Variants in PCDHA9 observed in about 807,000 individuals in gnomAD.
The protein encoded by PCDHA9 is protocadherin alpha 9.
A neutral mutation model predicts 62.0 loss-of-function variants in PCDHA9; 62 were observed. The ratio of observed to expected loss-of-function variants is 1.00; its 90% confidence interval spans 0.81 to 1.23. The LOEUF (loss-of-function observed/expected upper bound fraction) is 1.23, where lower values mean the gene tolerates loss of function less well. Ranked by LOEUF, PCDHA9 falls within the 50% of genes most tolerant of loss-of-function variation. PCDHA9 has a pLI of 0.00. For synonymous variants in PCDHA9, 557 were observed against 567.6 expected (o/e 0.98, Z 0.27); for missense variants, 1,205 against 1,249.8 (o/e 0.96, Z 0.54).
chr5:140,870,469 C>T, intron 1 of PCDHA9: 1 of 1,614,246 alleles, frequency 6.2e-7, no homozygotes. Context: ...TGCGTTCGCA[C>T]AGCCCGAGTA....
chr5:140,961,247 C>T (rs527974851), intron 1 of PCDHA9, among the ~76,000 whole-genome samples: 6 of 152,070 alleles, frequency 3.9e-5, no homozygotes, highest in East Asian at 1.9e-4. Flanking sequence ...GGAATTTATC[C>T]GAAGCTCCAG....
chr5:140,931,395 C>T lies in PCDHA9; in HGVS notation c.2395-47554C>T, dbSNP rs141099105. Among the ~76,000 whole-genome samples the T allele has an allele frequency of 5.8e-3, 884 of 151,620 alleles. 4 individuals carry two copies. The highest frequency in any genetic ancestry group is 0.021 in the African/African-American group (851 of 41,384). ...AGACTAGAAAGGAAACATAAGTAAG[C>T]GATAGGAAGGCTGATGAATCTAGAA... On this transcript the variant is annotated intron_variant, in intron 1 of 3. Coordinates refer to ENST00000532602, the MANE Select transcript of PCDHA9 (RefSeq NM_031857.2).
intron 1 of PCDHA9, chr5:140,968,948 A>G (rs1554231262): frequency 2.5e-6 from 4 of 1,614,064 alleles, no homozygotes; most frequent in East Asian, 4.5e-5. Flanking sequence ...CATTTTGAGC[A>G]TCATCAAGTG....
At chr5:140,970,762 A>C (rs2096431667) in intron 1 of PCDHA9, among the ~76,000 whole-genome samples, 1 of 152,198 alleles carries the variant, frequency 6.6e-6, no homozygotes, top group Admixed American at 6.5e-5. Context: ...TCATTGACAT[A>C]TTGCTGTACA....
At chr5:140,946,202 A>T (rs2093901656) in intron 1 of PCDHA9, among the ~76,000 whole-genome samples, 1 of 152,118 alleles carries the variant, frequency 6.6e-6, no homozygotes, top group Non-Finnish European at 1.5e-5. Context: ...AAAAGAAAGC[A>T]CACAAATGAC....
At chr5:140,926,118 G>C (rs927468824) in intron 1 of PCDHA9, among the ~76,000 whole-genome samples, 3 of 152,174 alleles carry the variant, frequency 2.0e-5, no homozygotes, top group African/African-American at 7.2e-5. Flanking sequence ...GTGCAGGACA[G>C]ACTTCAACCC....
chr5:140,879,491 T>G (rs2153367311), intron 1 of PCDHA9, among the ~76,000 whole-genome samples: 1 of 152,338 alleles, frequency 6.6e-6, no homozygotes. Flanking sequence ...AATATGGGTC[T>G]GGATCTCAGA....
chr5:140,882,583 C>A, intron 1 of PCDHA9: 1 of 1,614,232 alleles, frequency 6.2e-7, no homozygotes, highest in Non-Finnish European at 8.5e-7. Flanking sequence ...GCAGCATCCA[C>A]CTGGAGGTGA....
intron 1 of PCDHA9, among the ~76,000 whole-genome samples, chr5:140,902,277 A>G (rs1257357376): frequency 1.3e-5 from 2 of 149,170 alleles, no homozygotes; most frequent in African/African-American, 5.0e-5. Flanking sequence ...GGCTCAAGCA[A>G]TCCTCCTGCC....
intron 1 of PCDHA9, among the ~76,000 whole-genome samples, chr5:140,942,058 C>T (rs2093224752): frequency 6.6e-6 from 1 of 152,040 alleles, no homozygotes; most frequent in Non-Finnish European, 1.5e-5. Flanking sequence ...GAAATGTTTG[C>T]TAATTGAGCC....
rs2150463702 is a variant in PCDHA9, at chr5:140,850,020, T to C, written c.1525T>C (p.Ser509Pro). 2 of 1,596,646 alleles carry C rather than the reference T, an allele frequency of 1.3e-6. No individual in the cohort carries two copies. Among genetic ancestry groups the C allele is most frequent in the African/African-American group, 1.3e-5 (1 of 74,330 alleles). The change falls in exon 1 of 4, where the codon TCA (serine) becomes CCA (proline). Residue 509 changes from serine (S) to proline (P), a missense_variant. Ser to Pro is a moderately conservative substitution (Grantham distance 74, BLOSUM62 -1). Around this residue, in one of 3 missense-constraint regions of PCDHA9, gnomAD observed 887 missense variants for 809.5 expected, o/e 1.10. Coordinates refer to ENST00000532602, the MANE Select transcript of PCDHA9 (RefSeq NM_031857.2). ...CGAGCGCTCGCTGTCGAGCTACGTGTCAGTGCACGCGGAGAGCGGCAAGGT... is the reference window on the plus strand; with the variant it reads ...CGAGCGCTCGCTGTCGAGCTACGTGCCAGTGCACGCGGAGAGCGGCAAGGT... ...LGERSLSSYV[S>P]VHAESGKVYA...
intron 3 of PCDHA9, among the ~76,000 whole-genome samples, chr5:140,993,826 C>T (rs1401311421): frequency 1.3e-5 from 2 of 152,134 alleles, no homozygotes; most frequent in African/African-American, 4.8e-5. Context: ...ATAGGCTATA[C>T]CATATAGCCT....
At chr5:140,914,228 C>T (rs2076644066) in intron 1 of PCDHA9, among the ~76,000 whole-genome samples, 1 of 152,084 alleles carries the variant, frequency 6.6e-6, no homozygotes, top group Admixed American at 6.6e-5. Flanking sequence ...AGCTCTAATA[C>T]TATTTGCTTT....
rs2093245729 is a variant in PCDHA9 at position 140,942,201 on chromosome 5, G to A, written c.2395-36748G>A. Among the ~76,000 whole-genome samples, 3 of 151,938 alleles carry A rather than the reference G, an allele frequency of 2.0e-5. No individual in the cohort carries two copies. The South Asian group carries it at 6.2e-4, about 32-fold the overall frequency. On this transcript the variant is annotated intron_variant, in intron 1 of 3. Coordinates refer to ENST00000532602, the MANE Select transcript of PCDHA9 (RefSeq NM_031857.2). Reference sequence around the variant, plus strand: ...GACATTTTATTTAAAATACATTTTTGAGCATAAGATATTTAAAATGTGTAG... The same window carrying A: ...GACATTTTATTTAAAATACATTTTTAAGCATAAGATATTTAAAATGTGTAG...
intron 3 of PCDHA9, among the ~76,000 whole-genome samples, chr5:140,992,035 G>C (rs529236840): frequency 6.6e-6 from 1 of 151,988 alleles, no homozygotes; most frequent in South Asian, 2.1e-4. Flanking sequence ...GTGTGTGTGT[G>C]TGTGTGTGTG....
At chr5:140,937,039 CTT>C (rs34994034) in intron 1 of PCDHA9, among the ~76,000 whole-genome samples, 9 of 140,130 alleles carry the variant, frequency 6.4e-5, no homozygotes, top group Admixed American at 7.1e-5. Context: ...TTCCATTTAT[CTT>C]TTTTTTTTTT....
intron 1 of PCDHA9, chr5:140,861,550 T>G: frequency 2.4e-6 from 1 of 415,394 alleles, no homozygotes; most frequent in South Asian, 2.1e-5. Flanking sequence ...CACCTGGAAG[T>G]GATCGTGGAC....
At chr5:140,857,708 G>C (rs1554150547) in intron 1 of PCDHA9, 8 of 1,597,392 alleles carry the variant, frequency 5.0e-6, no homozygotes, top group Non-Finnish European at 6.0e-6. Flanking sequence ...GCAGGTGTTC[G>C]TGCTGGACGA....
At chr5:140,993,877 C>T (rs1457877493) in intron 3 of PCDHA9, among the ~76,000 whole-genome samples, 4 of 152,150 alleles carry the variant, frequency 2.6e-5, no homozygotes, top group South Asian at 2.1e-4. Context: ...TGTGTAAGTA[C>T]GCTCTATGAT....
Sources: allele counts gnomAD v4.1 joint callset (sites outside exome capture counted in the v4.1 genomes callset), GRCh38; gene constraint gnomAD v4.1.1; regional missense constraint gnomAD v4.1.1; transcripts MANE v1.5; gene names NCBI Gene and HGNC (gene_info 2026-07-23, HGNC 2026-07-21).